The following GAS2 variants were observed in gnomAD, a reference collection of about 807,000 sequenced individuals.
GAS2 encodes growth arrest-specific protein 2.
Under a neutral mutation model 37.5 loss-of-function variants are expected in GAS2, and 20 were observed. The ratio of observed to expected loss-of-function variants is 0.53; its 90% CI spans 0.37 to 0.77. GAS2 has a LOEUF of 0.77. Among genes scored for constraint, GAS2 ranks in the 30% least tolerant of loss-of-function variants. The pLI is 0.00. For synonymous variants in GAS2, 144 were observed against 132.2 expected, an observed-to-expected ratio of 1.09 and a Z score of -0.61; for missense variants, 336 against 373.4, an observed-to-expected ratio of 0.90 and a Z score of 0.82.
intron 7 of GAS2, among the ~76,000 whole-genome samples, chr11:22,785,465 C>T (rs1203596227): frequency 6.6e-6 from 1 of 152,132 alleles, no homozygotes; most frequent in Non-Finnish European, 1.5e-5. Context: ...GGTACTGAAT[C>T]ACTGGCTGCT....
At chr11:22,627,639 G>A (rs564017852) in intron 1 of GAS2, among the ~76,000 whole-genome samples, 82 of 152,224 alleles carry the variant, frequency 5.4e-4, no homozygotes, top group African/African-American at 1.8e-3. Flanking sequence ...GCTGGGCATG[G>A]CGGTGCACAC....
chr11:22,704,541 A>G (rs1188915673), intron 3 of GAS2, among the ~76,000 whole-genome samples: 2 of 146,308 alleles, frequency 1.4e-5, no homozygotes, highest in Non-Finnish European at 1.5e-5. Flanking sequence ...GTCTACATTT[A>G]TAATTGAAGG....
In GAS2 at chr11:22,749,242, G is replaced by A. The variant is rs866378676; in HGVS notation, c.596G>A (p.Gly199Glu). The change falls in exon 6 of 8, where the codon GGA (glycine) becomes GAA (glutamate). Residue 199 changes from glycine (G) to glutamate (E), a missense_variant. Physicochemically the swap from Gly to Glu is moderately conservative, Grantham distance 98. Transcript: ENST00000454584. ...AAGTCTTCTGGAAAAAAGAGTACAG[G>A]AAACTTACTGGATGATGCAGTAAGT... Reference protein sequence around the residue: ...SSKSSGKKSTGNLLDDAVKRI... With the variant: ...SSKSSGKKSTENLLDDAVKRI... 1 of 1,611,694 alleles carries A rather than the reference G, an allele frequency of 6.2e-7. No individual in the cohort carries two copies. Among genetic ancestry groups the A allele is most frequent in the Non-Finnish European group, 8.5e-7 (1 of 1,178,844 alleles).
Position 22,724,882 on chromosome 11 carries a change from T to C in GAS2, c.268-1410T>C, listed in dbSNP as rs533712833. On this transcript the variant is annotated intron_variant, in intron 3 of 7. Transcript: ENST00000454584. ...AGTAAGAACTCTAGTAAGAGTTGCA[T>C]GTTGGCAGGACTTCACCAATCCACC... is the stretch of plus-strand genomic sequence containing the variant. Among the ~76,000 whole-genome samples, 71 of 152,166 alleles carry C rather than the reference T, an allele frequency of 4.7e-4. 2 individuals are homozygous for C. In the South Asian group the frequency reaches 0.013, roughly 28 times the overall value.
chr11:22,682,869 T>TAAAAAAAAAAAAAAAAAAAAA (rs371098220), intron 2 of GAS2, among the ~76,000 whole-genome samples: 1 of 78,946 alleles, frequency 1.3e-5, no homozygotes, highest in Non-Finnish European at 2.1e-5. Flanking sequence ...CACTTTCTGC[T>TAAAAAAAAAAAAAAAAAAAAA]AAAAAAAAAA....
intron 3 of GAS2, among the ~76,000 whole-genome samples, chr11:22,700,586 G>A (rs980884129): frequency 1.3e-5 from 2 of 152,146 alleles, no homozygotes; most frequent in Non-Finnish European, 2.9e-5. Context: ...TCTTGGAGGA[G>A]GATAATCATT....
intron 7 of GAS2, among the ~76,000 whole-genome samples, chr11:22,767,609 G>A (rs1480925500): frequency 6.6e-6 from 1 of 152,040 alleles, no homozygotes; most frequent in Non-Finnish European, 1.5e-5. Flanking sequence ...TTGTGTTCTT[G>A]AATAACTGAT....
chr11:22,769,662 A>G (rs1306458349), intron 7 of GAS2, among the ~76,000 whole-genome samples: 8 of 152,258 alleles, frequency 5.3e-5, no homozygotes, highest in Admixed American at 3.9e-4. Flanking sequence ...TGTCATCCTG[A>G]TGCTTAGTCA....
At chr11:22,768,224 A>G (rs887597581) in intron 7 of GAS2, among the ~76,000 whole-genome samples, 6 of 152,206 alleles carry the variant, frequency 3.9e-5, no homozygotes, top group African/African-American at 1.4e-4. Context: ...TCCTAGGAAT[A>G]TATCATTCAA....
At chr11:22,721,256 G>A (rs370030186) in intron 3 of GAS2, among the ~76,000 whole-genome samples, 38 of 152,058 alleles carry the variant, frequency 2.5e-4, no homozygotes, top group African/African-American at 8.7e-4. Flanking sequence ...TACCTCCTGC[G>A]TGTAAAGCAC....
chr11:22,685,865 A>T (rs1849917518), intron 3 of GAS2, 76 bp downstream of exon 3: 1 of 1,453,484 alleles, frequency 6.9e-7, no homozygotes, highest in Non-Finnish European at 9.3e-7. Context: ...GTGTGTAATT[A>T]AAAAATTTAT....
intron 1 of GAS2, among the ~76,000 whole-genome samples, chr11:22,660,091 G>A (rs1367569967): frequency 6.6e-6 from 1 of 152,176 alleles, no homozygotes; most frequent in African/African-American, 2.4e-5. Flanking sequence ...TGTGTCATTA[G>A]GTAAGCTTTT....
intron 3 of GAS2, among the ~76,000 whole-genome samples, chr11:22,704,718 A>C (rs527633552): frequency 4.2e-4 from 64 of 150,936 alleles, no homozygotes; most frequent in Non-Finnish European, 7.8e-4. Flanking sequence ...TCTAATAAAC[A>C]AACAAAACTC....
intron 1 of GAS2, among the ~76,000 whole-genome samples, chr11:22,661,412 A>T (rs1848914430): frequency 6.6e-6 from 1 of 152,214 alleles, no homozygotes; most frequent in Non-Finnish European, 1.5e-5. Context: ...AAGGATGAAT[A>T]GTCTAGTCCC....
intron 1 of GAS2, among the ~76,000 whole-genome samples, chr11:22,651,244 G>T (rs1026741588): frequency 3.3e-5 from 5 of 152,244 alleles, no homozygotes; most frequent in African/African-American, 1.2e-4. Flanking sequence ...TTGAATATTG[G>T]CCCCCACTGT....
At chr11:22,676,341 C>T (rs1238094729) in intron 2 of GAS2, among the ~76,000 whole-genome samples, 5 of 152,180 alleles carry the variant, frequency 3.3e-5, no homozygotes, top group African/African-American at 9.6e-5. Flanking sequence ...TTTTGGGGTT[C>T]ACTAATGATT....
chr11:22,753,129 C>G (rs368523306), intron 6 of GAS2, among the ~76,000 whole-genome samples: 2 of 152,068 alleles, frequency 1.3e-5, no homozygotes, highest in African/African-American at 4.8e-5. Flanking sequence ...TCTGAGTAAT[C>G]AGGCTCCTCT....
chr11:22,789,423 G>GATATATATAAATATATATATATATAT lies in GAS2; in HGVS notation c.724-22374_724-22373insTATATATAAATATATATATATATATA, dbSNP rs1491294585. 1.1e-3 allele frequency among the ~76,000 whole-genome samples: 81 copies of GATATATATAAATATATATATATATAT among 71,158 alleles called. 3 individuals are homozygous for GATATATATAAATATATATATATATAT. Among genetic ancestry groups the GATATATATAAATATATATATATATAT allele is most frequent in the African/African-American group, 4.3e-3 (75 of 17,322 alleles). The allele number at this position is 71,158 out of a possible 152,430, so 46.7% of individuals were successfully genotyped here. A position where few individuals can be genotyped will look rare whatever the true frequency, so the allele number is the denominator to read the frequency against. ...GTGTGTATGTGTGTGTATCTCATAT[G>GATATATATAAATATATATATATATAT]AGATATATATATATATATATATATA... On this transcript the variant is annotated intron_variant, in intron 7 of 7. Coordinates refer to ENST00000454584, the MANE Select transcript of GAS2 (RefSeq NM_001143830.3).
chr11:22,707,228 G>A (rs1398672823), intron 3 of GAS2, among the ~76,000 whole-genome samples: 1 of 151,952 alleles, frequency 6.6e-6, no homozygotes, highest in Non-Finnish European at 1.5e-5. Flanking sequence ...GGCCACGGAA[G>A]AGTAGGATTG....
Sources: gnomAD v4.1 joint callset for allele counts (sites outside exome capture counted in the v4.1 genomes callset) on GRCh38, gnomAD v4.1.1 for gene constraint, MANE v1.5 for transcripts, NCBI Gene and HGNC (gene_info 2026-07-23, HGNC 2026-07-21) for gene names.